The following SLC35D2 variants were observed in gnomAD, a reference collection of about 807,000 sequenced individuals.
SLC35D2 encodes solute carrier family 35 member D2, also known as nucleotide sugar transporter SLC35D2.
In SLC35D2, 43 loss-of-function variants were observed where a neutral mutation model predicts 41.8. The ratio of observed to expected loss-of-function variants is 1.03; its 90% CI spans 0.81 to 1.33. The LOEUF (loss-of-function observed/expected upper bound fraction) is 1.33. SLC35D2 is among the 40% of genes most tolerant of loss of function. SLC35D2 has a pLI of 0.00. For missense variants in SLC35D2, 380 were observed against 408.4 expected, an observed-to-expected ratio of 0.93 and a Z score of 0.60; for synonymous variants, 150 against 163.9, an observed-to-expected ratio of 0.92 and a Z score of 0.65.
intron 6 of SLC35D2, among the ~76,000 whole-genome samples, chr9:96,348,669 C>A (rs937968422): frequency 8.5e-5 from 13 of 152,292 alleles, no homozygotes; most frequent in African/African-American, 2.4e-4. Flanking sequence ...ACTATGAATG[C>A]CAGCTACCAG....
At chr9:96,319,222 G>A (rs564815919), downstream of SLC35D2, among the ~76,000 whole-genome samples, 1 of 152,284 alleles carries the variant, frequency 6.6e-6, no homozygotes, top group African/African-American at 2.4e-5. Flanking sequence ...ATGAACCTCG[G>A]TGATATGGTG....
intron 1 of SLC35D2, among the ~76,000 whole-genome samples, chr9:96,375,874 C>T (rs1450702386): frequency 1.3e-5 from 2 of 151,598 alleles, no homozygotes; most frequent in East Asian, 1.9e-4. Context: ...AAAAATTAGC[C>T]GGGGAGTCAG....
intron 9 of SLC35D2, among the ~76,000 whole-genome samples, chr9:96,330,642 G>C (rs2130859941): frequency 6.6e-6 from 1 of 152,174 alleles, no homozygotes; most frequent in East Asian, 1.9e-4. Flanking sequence ...AGATCTTTTG[G>C]GGGTTATGGC....
At chr9:96,356,418 G>A (rs1321730889) in intron 4 of SLC35D2, among the ~76,000 whole-genome samples, 47 of 121,216 alleles carry the variant, frequency 3.9e-4, no homozygotes, top group Non-Finnish European at 6.3e-4. Context: ...AAATTGACAA[G>A]CTAATTTTAA....
At chr9:96,362,927 C>A (rs75627232) in intron 3 of SLC35D2, among the ~76,000 whole-genome samples, 3,978 of 149,822 alleles carry the variant, frequency 0.027, 78 homozygotes, top group Middle Eastern at 0.055. Flanking sequence ...AGTGCAGTGG[C>A]ACAATCTTGG....
chr9:96,369,785 T>A (rs1219131182), intron 1 of SLC35D2, among the ~76,000 whole-genome samples: 1 of 152,152 alleles, frequency 6.6e-6, no homozygotes, highest in African/African-American at 2.4e-5. Flanking sequence ...GCTCAACCCT[T>A]CACTGGCTCC....
chr9:96,383,635 CT>C lies in SLC35D2; in HGVS notation c.-2del. ...CCTCGGCCTGGCCGCCGGCCGTCATCTCCTGCGGCCCCGCGGACCCCGCCGC... is the reference window on the plus strand; with the variant it reads ...CCTCGGCCTGGCCGCCGGCCGTCATCCCTGCGGCCCCGCGGACCCCGCCGC... On this transcript the variant is annotated 5_prime_UTR_variant, in exon 1 of 12. Coordinates refer to ENST00000253270, the MANE Select transcript of SLC35D2 (RefSeq NM_007001.3). The C allele has an allele frequency of 9.1e-7, 1 of 1,103,186 alleles. No individual in the cohort carries two copies. The highest frequency in any genetic ancestry group is 1.1e-6 in the Non-Finnish European group (1 of 909,808). The allele number at this position is 1,103,186 out of a possible 1,614,324, so 68.3% of individuals were successfully genotyped here. A position where few individuals can be genotyped will look rare whatever the true frequency, so the allele number is the denominator to read the frequency against.
intron 1 of SLC35D2, among the ~76,000 whole-genome samples, chr9:96,376,563 C>G (rs1830970824): frequency 6.6e-6 from 1 of 152,076 alleles, no homozygotes; most frequent in Admixed American, 6.5e-5. Flanking sequence ...GAGCCGAGAT[C>G]GTGCCATTGC....
chr9:96,344,566 T>TA (rs567587419), intron 7 of SLC35D2, among the ~76,000 whole-genome samples: 14,241 of 57,224 alleles, frequency 0.25, 1,505 homozygotes, highest in East Asian at 0.53. Flanking sequence ...ACAGAGCAGA[T>TA]AAAAAAAAAA....
chr9:96,351,909 C>T (rs1829828369), intron 5 of SLC35D2, 129 bp downstream of exon 5: 1 of 528,930 alleles, frequency 1.9e-6, no homozygotes, highest in Non-Finnish European at 3.4e-6. Flanking sequence ...AAGCACAAAA[C>T]TACTTTTAAA....
intron 9 of SLC35D2, among the ~76,000 whole-genome samples, chr9:96,327,624 CTTTT>C (rs772967356): frequency 7.0e-6 from 1 of 143,000 alleles, no homozygotes; most frequent in Non-Finnish European, 1.5e-5. Context: ...TTTTCTTTTT[CTTTT>C]TTTTTTTTTT....
At chr9:96,365,503 A>G (rs1274588145) in intron 2 of SLC35D2, among the ~76,000 whole-genome samples, 1 of 152,230 alleles carries the variant, frequency 6.6e-6, no homozygotes, top group Non-Finnish European at 1.5e-5. Context: ...CAGTGAGATG[A>G]CACAATGATC....
intron 4 of SLC35D2, among the ~76,000 whole-genome samples, chr9:96,355,057 T>A (rs975213888): frequency 1.3e-5 from 2 of 151,146 alleles, no homozygotes; most frequent in African/African-American, 4.9e-5. Context: ...TCTTGCTCTA[T>A]TGCCCAGGCT....
At chr9:96,366,402 C>G (rs990037486) in intron 2 of SLC35D2, among the ~76,000 whole-genome samples, 2 of 151,812 alleles carry the variant, frequency 1.3e-5, no homozygotes, top group Admixed American at 1.3e-4. Context: ...ATCTAACTGG[C>G]CTCTTCCCTC....
intron 1 of SLC35D2, among the ~76,000 whole-genome samples, chr9:96,374,795 G>A (rs1587724616): frequency 2.7e-5 from 4 of 148,592 alleles, no homozygotes; most frequent in Middle Eastern, 3.5e-3. Flanking sequence ...CCAAGATCAC[G>A]CCACTGCACT....
intron 9 of SLC35D2, among the ~76,000 whole-genome samples, chr9:96,336,127 A>C (rs893482444): frequency 3.3e-5 from 5 of 152,166 alleles, no homozygotes; most frequent in Non-Finnish European, 5.9e-5. Context: ...CAGCCTGGAC[A>C]TCTCTCTTTA....
In SLC35D2 at chr9:96,320,938, G is replaced by GCA; in HGVS notation, c.*302_*303dup. ...ACATCAACCTCCTCCCCAGCACACA[G>GCA]CACAGAGATGCCACGAAGGCCCCAT... is the stretch of plus-strand genomic sequence containing the variant. On this transcript the variant is annotated 3_prime_UTR_variant, in exon 12 of 12. Coordinates refer to ENST00000253270, the MANE Select transcript of SLC35D2 (RefSeq NM_007001.3). 1 of 272,368 alleles carries GCA rather than the reference G, an allele frequency of 3.7e-6. No individual in the cohort carries two copies. The highest frequency in any genetic ancestry group is 5.0e-5 in the Admixed American group (1 of 20,086). The allele number at this position is 272,368 out of a possible 1,614,324, so 16.9% of individuals were successfully genotyped here.
rs750131803 is a variant in SLC35D2 at position 96,336,707 on chromosome 9, G to A, written c.752+10C>T. On this transcript the variant is annotated intron_variant, in intron 9 of 11. Coordinates refer to ENST00000253270, the MANE Select transcript of SLC35D2 (RefSeq NM_007001.3). ...TTGACCAATGCTTCTACTTATCTAT[G>A]GTTTCTTACCCCAAAAAACAGGAAA... The A allele has an allele frequency of 6.6e-7, 1 of 1,525,782 alleles. No homozygotes were observed. Among genetic ancestry groups the A allele is most frequent in the South Asian group, 1.2e-5 (1 of 86,076 alleles). The allele number at this position is 1,525,782 out of a possible 1,614,324, so 94.5% of individuals were successfully genotyped here.
chr9:96,316,874 C>T (rs1401888920), downstream of SLC35D2, among the ~76,000 whole-genome samples: 2 of 152,114 alleles, frequency 1.3e-5, no homozygotes, highest in Non-Finnish European at 2.9e-5. Flanking sequence ...TGTGGTGGCT[C>T]ACGCCTGTAA....
Sources: allele counts gnomAD v4.1 joint callset (sites outside exome capture counted in the v4.1 genomes callset), GRCh38; gene constraint gnomAD v4.1.1; transcripts MANE v1.5; gene names NCBI Gene and HGNC (gene_info 2026-07-23, HGNC 2026-07-21).